Variants in ALCAM observed in about 807,000 individuals in gnomAD.
ALCAM encodes CD166 antigen.
In ALCAM, 30 loss-of-function variants were observed where a neutral mutation model predicts 70.9. The observed-to-expected ratio is 0.42, with a 90% confidence interval of 0.32 to 0.57. The LOEUF is 0.57. Among genes scored for constraint, ALCAM ranks in the 20% least tolerant of loss-of-function variants. ALCAM has a pLI of 0.11. For synonymous variants in ALCAM, 249 were observed against 242.5 expected, an observed-to-expected ratio of 1.03 and a Z score of -0.25; for missense variants, 591 against 695.1, an observed-to-expected ratio of 0.85 and a Z score of 1.68.
intron 14 of ALCAM, 138 bp from the exon 15 acceptor site, chr3:105,571,714 A>C (rs936345404): frequency 1.3e-4 from 80 of 613,024 alleles, no homozygotes; most frequent in Admixed American, 3.6e-4. Context: ...CAAGGCTCAC[A>C]GATATGGAAA....
intron 1 of ALCAM, among the ~76,000 whole-genome samples, chr3:105,467,977 G>T (rs1438714351): frequency 6.6e-6 from 1 of 151,176 alleles, no homozygotes; most frequent in African/African-American, 2.4e-5. Flanking sequence ...TCCCTTCAAT[G>T]TGGTTGATTT....
intron 1 of ALCAM, among the ~76,000 whole-genome samples, chr3:105,517,145 T>A (rs1166054538): frequency 6.6e-6 from 1 of 152,054 alleles, no homozygotes; most frequent in African/African-American, 2.4e-5. Context: ...AGCGACTTTA[T>A]CCCTAGGGGG....
At position 105,436,787 on chromosome 3, in the gene ALCAM, G is replaced by T. The variant is rs796181845; in HGVS notation, c.73+69306G>T. On this transcript the variant is annotated intron_variant, in intron 1 of 15. Transcript: ENST00000306107. ...CTCTTGAGCTGGTCAGGGTTGGAGTGGGGAATGAAGTCAACTTTCCTGAAC... is the reference window on the plus strand; with the variant it reads ...CTCTTGAGCTGGTCAGGGTTGGAGTTGGGAATGAAGTCAACTTTCCTGAAC... Among the ~76,000 whole-genome samples, 4 of 152,260 alleles carry T rather than the reference G, an allele frequency of 2.6e-5. No homozygotes were observed. The South Asian group carries it at 8.3e-4, about 32-fold the overall frequency.
chr3:105,546,229 A>G (rs1289502137), intron 9 of ALCAM, among the ~76,000 whole-genome samples: 2 of 151,428 alleles, frequency 1.3e-5, no homozygotes, highest in Non-Finnish European at 3.0e-5. Context: ...AAAACAACAC[A>G]TACCATTTGA....
intron 6 of ALCAM, among the ~76,000 whole-genome samples, chr3:105,538,655 A>G (rs1940035530): frequency 6.6e-6 from 1 of 152,114 alleles, no homozygotes; most frequent in Admixed American, 6.6e-5. Context: ...CAGGCCAAAC[A>G]TGAGCACTAG....
intron 1 of ALCAM, among the ~76,000 whole-genome samples, chr3:105,452,277 T>G (rs1465394033): frequency 6.6e-6 from 1 of 152,104 alleles, no homozygotes; most frequent in Non-Finnish European, 1.5e-5. Context: ...GTCCATGTGT[T>G]CTCATTGTTC....
chr3:105,498,499 ATG>A (rs5851461), intron 1 of ALCAM, among the ~76,000 whole-genome samples: 16 of 150,194 alleles, frequency 1.1e-4, no homozygotes, highest in African/African-American at 2.9e-4. Context: ...AGCCTGCCAA[ATG>A]TGTGTGTGTG....
chr3:105,513,879 G>C (rs1486088379), intron 1 of ALCAM, among the ~76,000 whole-genome samples: 1 of 151,834 alleles, frequency 6.6e-6, no homozygotes, highest in African/African-American at 2.4e-5. Context: ...CTTAGGACAT[G>C]TTCCTTATGA....
intron 1 of ALCAM, among the ~76,000 whole-genome samples, chr3:105,459,954 T>TA (rs1399829537): frequency 2.0e-5 from 3 of 151,734 alleles, no homozygotes; most frequent in Admixed American, 6.6e-5. Flanking sequence ...ACCATAGAAA[T>TA]AAAAAAATAA....
At chr3:105,525,948 G>A (rs760531252) in intron 3 of ALCAM, among the ~76,000 whole-genome samples, 3 of 152,132 alleles carry the variant, frequency 2.0e-5, no homozygotes, top group African/African-American at 4.8e-5. Context: ...TTTGCCAGTG[G>A]CCCATGTATT....
intron 1 of ALCAM, among the ~76,000 whole-genome samples, chr3:105,448,527 G>T (rs1937348966): frequency 6.6e-6 from 1 of 151,974 alleles, no homozygotes; most frequent in African/African-American, 2.4e-5. Flanking sequence ...GAGTAACCAT[G>T]GCTCCATCCA....
chr3:105,436,407 A>C (rs1236004355), intron 1 of ALCAM, among the ~76,000 whole-genome samples: 1 of 152,000 alleles, frequency 6.6e-6, no homozygotes, highest in Non-Finnish European at 1.5e-5. Flanking sequence ...CAGTGGTGCG[A>C]TCTTGGCTCA....
intron 1 of ALCAM, among the ~76,000 whole-genome samples, chr3:105,512,161 T>C (rs547024883): frequency 6.6e-6 from 1 of 152,134 alleles, no homozygotes; most frequent in Admixed American, 6.6e-5. Flanking sequence ...TTATCAAAGA[T>C]AGCTTTGATT....
At chr3:105,562,424 T>C (rs978508859) in intron 14 of ALCAM, among the ~76,000 whole-genome samples, 17 of 152,364 alleles carry the variant, frequency 1.1e-4, no homozygotes, top group Non-Finnish European at 2.9e-5. Context: ...TCTGTTAATA[T>C]AGTAAATTAC....
chr3:105,531,955 C>A, intron 3 of ALCAM, 47 bp from the exon 4 acceptor site: 1 of 1,476,578 alleles, frequency 6.8e-7, no homozygotes, highest in South Asian at 1.1e-5. Flanking sequence ...ACAGAAGTCC[C>A]GTTTTTCTTA....
At chr3:105,533,390 G>A (rs563710596) in intron 4 of ALCAM, among the ~76,000 whole-genome samples, 4 of 152,218 alleles carry the variant, frequency 2.6e-5, no homozygotes, top group East Asian at 3.9e-4. Context: ...TTTAAAAATC[G>A]TCAAAAGTAT....
intron 1 of ALCAM, among the ~76,000 whole-genome samples, chr3:105,446,610 TAC>T (rs59828133): frequency 0.31 from 44,528 of 143,576 alleles, 6,869 homozygotes; most frequent in African/African-American, 0.38. Flanking sequence ...AAATTTGGTG[TAC>T]ACACACACAC....
chr3:105,563,248 C>G (rs2152634518), intron 14 of ALCAM, among the ~76,000 whole-genome samples: 1 of 147,876 alleles, frequency 6.8e-6, no homozygotes, highest in African/African-American at 2.5e-5. Flanking sequence ...CCTTTTATGC[C>G]TATGGGTTCT....
chr3:105,569,240 G>GT (rs1940810771), intron 14 of ALCAM, among the ~76,000 whole-genome samples: 1 of 151,544 alleles, frequency 6.6e-6, no homozygotes, highest in Non-Finnish European at 1.5e-5. Context: ...AAAAGGAGAA[G>GT]TAGAAAGAAA....
Sources: allele counts gnomAD v4.1 joint callset (sites outside exome capture counted in the v4.1 genomes callset), GRCh38; gene constraint gnomAD v4.1.1; transcripts MANE v1.5; gene names NCBI Gene and HGNC (gene_info 2026-07-23, HGNC 2026-07-21).